Variants in PACRG observed in about 807,000 individuals in gnomAD.
PACRG encodes parkin coregulated.
A neutral mutation model predicts 29.7 loss-of-function variants in PACRG; 29 were observed. The observed-to-expected ratio is 0.98, with a 90% CI of 0.73 to 1.33. PACRG has a LOEUF of 1.33. Ranked by LOEUF, PACRG falls within the 40% of genes most tolerant of loss-of-function variation. The pLI is 0.00. For missense variants in PACRG, 279 were observed against 316.2 expected (o/e 0.88, Z 0.89); for synonymous variants, 116 against 118.7 (o/e 0.98, Z 0.15).
At chr6:163,128,003 G>T (rs1402820132) in intron 4 of PACRG, among the ~76,000 whole-genome samples, 1 of 152,094 alleles carries the variant, frequency 6.6e-6, no homozygotes, top group Non-Finnish European at 1.5e-5. Context: ...CTTGATTGTG[G>T]TTTATTATTT....
chr6:163,018,628 C>T (rs1806322419), intron 2 of PACRG, among the ~76,000 whole-genome samples: 1 of 152,054 alleles, frequency 6.6e-6, no homozygotes, highest in Non-Finnish European at 1.5e-5. Flanking sequence ...TAATTTCGCC[C>T]AGATTTTATT....
intron 2 of PACRG, among the ~76,000 whole-genome samples, chr6:162,950,408 T>C (rs1799561165): frequency 6.6e-6 from 1 of 152,158 alleles, no homozygotes; most frequent in African/African-American, 2.4e-5. Context: ...CTTGGGAGGC[T>C]GAGGCAGGAG....
intron 2 of PACRG, among the ~76,000 whole-genome samples, chr6:162,965,613 G>T (rs913197809): frequency 6.6e-6 from 1 of 152,148 alleles, no homozygotes; most frequent in Non-Finnish European, 1.5e-5. Context: ...TCACATAGGG[G>T]TTAAGATTTA....
At chr6:162,768,234 A>G (rs1339688326) in intron 1 of PACRG, among the ~76,000 whole-genome samples, 1 of 152,096 alleles carries the variant, frequency 6.6e-6, no homozygotes, top group Admixed American at 6.5e-5. Flanking sequence ...CTGGGTATGT[A>G]ATTAGAGGAT....
chr6:162,813,307 C>T (rs1023825172), intron 1 of PACRG, among the ~76,000 whole-genome samples: 4 of 151,838 alleles, frequency 2.6e-5, no homozygotes, highest in African/African-American at 9.7e-5. Context: ...TACCTTTTTT[C>T]AGTAAGCAGG....
chr6:162,857,122 A>AAAGC (rs1273523694), intron 2 of PACRG, among the ~76,000 whole-genome samples: 23 of 152,178 alleles, frequency 1.5e-4, no homozygotes, highest in African/African-American at 5.6e-4. Context: ...GAGAAAGAAG[A>AAAGC]AAGCAAGCAA....
chr6:163,264,860 G>A (rs1378296679), intron 4 of PACRG, among the ~76,000 whole-genome samples: 1 of 152,146 alleles, frequency 6.6e-6, no homozygotes, highest in African/African-American at 2.4e-5. Context: ...GTTAAGAAAC[G>A]AGTCTTTCGC....
chr6:162,788,712 T>C (rs544960225), intron 1 of PACRG, among the ~76,000 whole-genome samples: 12 of 152,360 alleles, frequency 7.9e-5, no homozygotes, highest in Non-Finnish European at 1.3e-4. Context: ...TTTTAATAGA[T>C]GTGTCATGAT....
At chr6:163,119,831 T>C (rs959714796) in intron 4 of PACRG, among the ~76,000 whole-genome samples, 10 of 152,170 alleles carry the variant, frequency 6.6e-5, no homozygotes, top group African/African-American at 2.4e-4. Flanking sequence ...ATTTTATGTA[T>C]TTTTGTTGTT....
intron 4 of PACRG, among the ~76,000 whole-genome samples, chr6:163,265,197 A>G (rs768035831): frequency 6.6e-6 from 1 of 152,148 alleles, no homozygotes; most frequent in African/African-American, 2.4e-5. Context: ...TTTCCTGACT[A>G]ATGATAGGGA....
chr6:162,934,152 T>C (rs1487227043), intron 2 of PACRG, among the ~76,000 whole-genome samples: 1 of 151,964 alleles, frequency 6.6e-6, no homozygotes, highest in Non-Finnish European at 1.5e-5. Flanking sequence ...TAATCGCAGC[T>C]ACTCGGGGGG....
At chr6:163,204,847 A>T (rs1383228272) in intron 4 of PACRG, among the ~76,000 whole-genome samples, 1 of 152,202 alleles carries the variant, frequency 6.6e-6, no homozygotes, top group Non-Finnish European at 1.5e-5. Flanking sequence ...GACCTCCTTG[A>T]TCTGATAAGC....
At chr6:163,282,227 A>G (rs955800685) in intron 4 of PACRG, among the ~76,000 whole-genome samples, 27 of 152,220 alleles carry the variant, frequency 1.8e-4, no homozygotes, top group African/African-American at 6.3e-4. Context: ...GTTAATATAC[A>G]CACAGACTTA....
rs374627693 is a variant in PACRG, at chr6:163,004,701, A to AGTGTGTGTGTGT, written c.292-57434_292-57423dup. Among the ~76,000 whole-genome samples the AGTGTGTGTGTGT allele has an allele frequency of 6.2e-3, 816 of 131,450 alleles. 12 individuals carry two copies. Among genetic ancestry groups the AGTGTGTGTGTGT allele is most frequent in the African/African-American group, 0.025 (723 of 29,274 alleles). 86.2% of individuals were successfully genotyped at this position (131,450 alleles called of 152,430 possible). ...CCATATCAAATGTATACAAAGTTCTAGTGTGTGTGTGTGTGTGTGTGTGTG... is the reference window on the plus strand; with the variant it reads ...CCATATCAAATGTATACAAAGTTCTAGTGTGTGTGTGTGTGTGTGTGTGTGTGTGTGTGTGTG... On this transcript the variant is annotated intron_variant, in intron 2 of 4. Coordinates refer to ENST00000366888, the MANE Select transcript of PACRG (RefSeq NM_001080379.2).
At chr6:162,841,330 G>C (rs1789737169) in intron 2 of PACRG, among the ~76,000 whole-genome samples, 1 of 150,356 alleles carries the variant, frequency 6.7e-6, no homozygotes, top group African/African-American at 2.5e-5. Flanking sequence ...TTGGGAGAGT[G>C]TATGTGTCGA....
chr6:163,038,741 A>G (rs1156732563), intron 2 of PACRG, among the ~76,000 whole-genome samples: 2 of 152,194 alleles, frequency 1.3e-5, no homozygotes, highest in Non-Finnish European at 2.9e-5. Context: ...AAATGCCCTC[A>G]TAGATCTCTA....
At chr6:163,140,632 A>C (rs1043950130) in intron 4 of PACRG, among the ~76,000 whole-genome samples, 1 of 152,180 alleles carries the variant, frequency 6.6e-6, no homozygotes, top group South Asian at 2.1e-4. Context: ...CAAATAAAAA[A>C]TTTCATAACC....
At chr6:162,862,828 C>T (rs1791977250) in intron 2 of PACRG, among the ~76,000 whole-genome samples, 1 of 152,204 alleles carries the variant, frequency 6.6e-6, no homozygotes, top group Non-Finnish European at 1.5e-5. Flanking sequence ...CTTGTGCAGA[C>T]TGGCTGGGGT....
At chr6:163,293,857 A>T (rs1054700344) in intron 4 of PACRG, among the ~76,000 whole-genome samples, 1 of 151,456 alleles carries the variant, frequency 6.6e-6, no homozygotes, top group Non-Finnish European at 1.5e-5. Context: ...TCATAAATAT[A>T]AAAAAAAACT....
Sources: allele counts gnomAD v4.1 joint callset (sites outside exome capture counted in the v4.1 genomes callset), GRCh38; gene constraint gnomAD v4.1.1; transcripts MANE v1.5; gene names NCBI Gene and HGNC (gene_info 2026-07-23, HGNC 2026-07-21).